The following TNR variants were observed in gnomAD, a reference collection of about 807,000 sequenced individuals.
TNR encodes the protein tenascin-R.
TNR carries 45 observed loss-of-function variants against 150.4 expected under a neutral mutation model. The ratio of observed to expected loss-of-function variants is 0.30; its 90% CI spans 0.24 to 0.38. The LOEUF (loss-of-function observed/expected upper bound fraction) is 0.38. Ranked by LOEUF, TNR falls within the 10% of genes least tolerant of loss-of-function variation. The pLI, the probability that TNR is intolerant of heterozygous loss-of-function variation, is 1.00. For missense variants in TNR, 1,544 were observed against 1,759.1 expected, an observed-to-expected ratio of 0.88 and a Z score of 2.19; for synonymous variants, 687 against 678.4, an observed-to-expected ratio of 1.01 and a Z score of -0.20.
chr1:175,410,530 C>CA (rs1208306567), intron 2 of TNR, among the ~76,000 whole-genome samples: 5 of 152,078 alleles, frequency 3.3e-5, no homozygotes, highest in Admixed American at 1.3e-4. Flanking sequence ...GAGGGGCACG[C>CA]AAAGTGGGTG....
intron 1 of TNR, among the ~76,000 whole-genome samples, chr1:175,604,721 G>A (rs981694204): frequency 6.6e-6 from 1 of 152,152 alleles, no homozygotes; most frequent in Admixed American, 6.5e-5. Flanking sequence ...GATTGATTCT[G>A]TTATTGGTAG....
intron 13 of TNR, among the ~76,000 whole-genome samples, chr1:175,363,388 G>GCA: frequency 6.6e-6 from 1 of 152,196 alleles, no homozygotes; most frequent in Non-Finnish European, 1.5e-5. Context: ...CATTCTTGTA[G>GCA]GAATATTCAT....
intron 1 of TNR, among the ~76,000 whole-genome samples, chr1:175,729,720 A>G (rs931241222): frequency 1.3e-5 from 2 of 152,060 alleles, no homozygotes; most frequent in African/African-American, 4.8e-5. Flanking sequence ...TTATGAAACT[A>G]TCTAGAATGA....
intron 21 of TNR, among the ~76,000 whole-genome samples, 193 bp from the exon 22 acceptor site, chr1:175,324,712 C>T (rs1436599558): frequency 6.6e-6 from 1 of 152,202 alleles, no homozygotes; most frequent in African/African-American, 2.4e-5. Flanking sequence ...CCATGCTACT[C>T]TCTCCAACCC....
Position 175,319,252 on chromosome 1 carries a change from G to C in TNR, c.*4105C>G, listed in dbSNP as rs1190781918. 2 of 152,238 alleles carry C rather than the reference G, an allele frequency of 1.3e-5. No homozygotes were observed. Among genetic ancestry groups the C allele is most frequent in the African/African-American group, 4.8e-5 (2 of 41,462 alleles). 9.4% of individuals were successfully genotyped at this position (152,238 alleles called of 1,614,324 possible). The stretch of plus-strand genomic sequence containing the variant: ...ATTTGCAAATCCAGGTCACCAGCTA[G>C]TCTATTTCAACACCCATAGCTTGGT... On this transcript the variant is annotated 3_prime_UTR_variant, in exon 23 of 23. Transcript: ENST00000367674.
intron 8 of TNR, among the ~76,000 whole-genome samples, chr1:175,384,817 C>T (rs1652848541): frequency 6.6e-6 from 1 of 152,192 alleles, no homozygotes; most frequent in African/African-American, 2.4e-5. Flanking sequence ...GTTTGCAAAC[C>T]CATCTGGCCA....
chr1:175,441,767 A>G lies in TNR; in HGVS notation c.-63-34990T>C, dbSNP rs74130305. On this transcript the variant is annotated intron_variant, in intron 2 of 22. Coordinates refer to ENST00000367674, the MANE Select transcript of TNR (RefSeq NM_003285.3). ...TCCTGTTCTGCCTTCCCAGCTGATGATTTCTGACCAGCTATTTCTCAGTGA... is the reference window on the plus strand; with the variant it reads ...TCCTGTTCTGCCTTCCCAGCTGATGGTTTCTGACCAGCTATTTCTCAGTGA... Among the ~76,000 whole-genome samples, 1,301 of 152,210 alleles carry G rather than the reference A, an allele frequency of 8.5e-3. 18 individuals carry two copies. Among genetic ancestry groups the G allele is most frequent in the African/African-American group, 0.03 (1,243 of 41,512 alleles).
intron 2 of TNR, among the ~76,000 whole-genome samples, chr1:175,444,993 G>A (rs1173890934): frequency 2.6e-5 from 4 of 152,148 alleles, no homozygotes; most frequent in South Asian, 2.1e-4. Flanking sequence ...TGAGGCAGCC[G>A]GGCGCGGTGG....
At chr1:175,491,313 C>G (rs1298225652) in intron 2 of TNR, among the ~76,000 whole-genome samples, 1 of 152,196 alleles carries the variant, frequency 6.6e-6, no homozygotes, top group Non-Finnish European at 1.5e-5. Flanking sequence ...AGCTAACCAC[C>G]ATGGCACCTA....
At chr1:175,742,409 A>G (rs1667955043) in intron 1 of TNR, among the ~76,000 whole-genome samples, 1 of 152,198 alleles carries the variant, frequency 6.6e-6, no homozygotes, top group Non-Finnish European at 1.5e-5. Flanking sequence ...AAAACAGGGC[A>G]GAACAGACTT....
intron 2 of TNR, among the ~76,000 whole-genome samples, chr1:175,451,363 CT>C (rs1218284489): frequency 6.6e-6 from 1 of 152,164 alleles, no homozygotes; most frequent in African/African-American, 2.4e-5. Flanking sequence ...AATGCTTTCC[CT>C]TCCCCCTTCC....
At chr1:175,410,529 G>A (rs1432681540) in intron 2 of TNR, among the ~76,000 whole-genome samples, 1 of 152,154 alleles carries the variant, frequency 6.6e-6, no homozygotes, top group African/African-American at 2.4e-5. Context: ...GGAGGGGCAC[G>A]CAAAGTGGGT....
intron 1 of TNR, among the ~76,000 whole-genome samples, chr1:175,583,695 C>G (rs1571638483): frequency 6.6e-6 from 1 of 152,150 alleles, no homozygotes; most frequent in African/African-American, 2.4e-5. Flanking sequence ...ACCAAATACC[C>G]CCTTCCCCTC....
At chr1:175,511,343 G>A (rs1476496581) in intron 2 of TNR, among the ~76,000 whole-genome samples, 3 of 152,180 alleles carry the variant, frequency 2.0e-5, no homozygotes, top group Non-Finnish European at 4.4e-5. Context: ...CAACTGTCAT[G>A]CCAAAGCTAT....
chr1:175,633,390 GA>G (rs368681021), intron 1 of TNR, among the ~76,000 whole-genome samples: 4 of 149,554 alleles, frequency 2.7e-5, no homozygotes, highest in African/African-American at 7.3e-5. Flanking sequence ...TACAAGGAAA[GA>G]AAAAAAAATA....
chr1:175,378,506 G>A (rs377480267), intron 9 of TNR, among the ~76,000 whole-genome samples: 16 of 152,284 alleles, frequency 1.1e-4, no homozygotes, highest in East Asian at 9.6e-4. Context: ...TGAAGCTGCC[G>A]GACAGAATGA....
At chr1:175,474,617 T>C in intron 2 of TNR, among the ~76,000 whole-genome samples, 1 of 152,196 alleles carries the variant, frequency 6.6e-6, no homozygotes, top group South Asian at 2.1e-4. Flanking sequence ...GAGAAGAAAG[T>C]GATCCAAGGG....
rs116905051 is a variant in TNR at position 175,668,442 on chromosome 1, C to G, written c.-165+74784G>C. ...CAACCCATGCCTGCAATCTGGCATCCCCACAGTAGGGAGGGGGCTCTTCCT... is the reference window on the plus strand; with the variant it reads ...CAACCCATGCCTGCAATCTGGCATCGCCACAGTAGGGAGGGGGCTCTTCCT... On this transcript the variant is annotated intron_variant, in intron 1 of 22. Transcript: ENST00000367674. 3.8e-3 allele frequency among the ~76,000 whole-genome samples: 584 copies of G among 152,228 alleles called. 13 individuals are homozygous for G. The East Asian group carries it at 0.054, about 14-fold the overall frequency.
intron 1 of TNR, among the ~76,000 whole-genome samples, chr1:175,596,648 T>C (rs527891263): frequency 7.9e-5 from 12 of 152,296 alleles, no homozygotes; most frequent in East Asian, 7.7e-4. Flanking sequence ...ATTCATTATA[T>C]GGAAAAATCA....
Sources: allele counts gnomAD v4.1 joint callset (sites outside exome capture counted in the v4.1 genomes callset), GRCh38; gene constraint gnomAD v4.1.1; transcripts MANE v1.5; gene names NCBI Gene and HGNC (gene_info 2026-07-23, HGNC 2026-07-21).